ADGRB3: variants seen among roughly 807,000 people sequenced by gnomAD.
ADGRB3 encodes the protein adhesion G protein-coupled receptor B3.
A neutral mutation model predicts 193.4 loss-of-function variants in ADGRB3; 37 were observed. The ratio of observed to expected loss-of-function variants is 0.19; its 90% CI spans 0.15 to 0.25. ADGRB3 has a LOEUF of 0.25. ADGRB3 is among the 10% of genes least tolerant of loss of function. The probability of loss-of-function intolerance (pLI) is 1.00; values close to 1 mark genes in which losing one functional copy is unlikely to be tolerated. For missense variants in ADGRB3, 1,637 were observed against 1,852.9 expected, an observed-to-expected ratio of 0.88 and a Z score of 2.14; for synonymous variants, 690 against 644.2, an observed-to-expected ratio of 1.07 and a Z score of -1.08.
At chr6:69,128,152 A>G (rs1372094340) in intron 17 of ADGRB3, among the ~76,000 whole-genome samples, 1 of 152,122 alleles carries the variant, frequency 6.6e-6, no homozygotes, top group Non-Finnish European at 1.5e-5. Context: ...CTGACTGTGA[A>G]CTGTCTATAC....
intron 3 of ADGRB3, among the ~76,000 whole-genome samples, chr6:68,754,915 G>A (rs1766270567): frequency 6.6e-6 from 1 of 152,152 alleles, no homozygotes; most frequent in African/African-American, 2.4e-5. Context: ...AGATGGACAA[G>A]CAATACTGTT....
At chr6:69,254,058 A>T (rs1766691120) in intron 20 of ADGRB3, among the ~76,000 whole-genome samples, 1 of 152,200 alleles carries the variant, frequency 6.6e-6, no homozygotes, top group African/African-American at 2.4e-5. Flanking sequence ...AAATTAAAAA[A>T]GTAATTTAAA....
intron 13 of ADGRB3, among the ~76,000 whole-genome samples, chr6:69,029,545 G>T (rs541464287): frequency 2.2e-4 from 33 of 152,322 alleles, no homozygotes; most frequent in African/African-American, 7.2e-4. Context: ...GCAAACGTAT[G>T]ATATATAGAA....
At chr6:68,986,359 A>G (rs956774439) in intron 10 of ADGRB3, among the ~76,000 whole-genome samples, 4 of 152,190 alleles carry the variant, frequency 2.6e-5, no homozygotes, top group East Asian at 3.9e-4. Context: ...TGATACCTAC[A>G]TGATTCATGC....
chr6:68,973,113 A>G (rs1016964779), intron 8 of ADGRB3, among the ~76,000 whole-genome samples: 9 of 152,242 alleles, frequency 5.9e-5, no homozygotes, highest in African/African-American at 2.2e-4. Flanking sequence ...ATATTTACAT[A>G]TACTCAGAGG....
At chr6:68,950,115 GCATGATTTTATCTCATTGTACCTGGGA>G (rs1767876330) in intron 6 of ADGRB3, among the ~76,000 whole-genome samples, 1 of 152,016 alleles carries the variant, frequency 6.6e-6, no homozygotes, top group South Asian at 2.1e-4. Flanking sequence ...GAGTGCAGTG[GCATGATTTTATCTCATTGTACCTGGGA>G]ATCCTGGGCT....
intron 20 of ADGRB3, among the ~76,000 whole-genome samples, chr6:69,310,916 A>C (rs771804939): frequency 2.4e-4 from 37 of 151,740 alleles, no homozygotes; most frequent in Non-Finnish European, 1.8e-4. Flanking sequence ...TATTACTAGA[A>C]ATAGTTGGTT....
intron 13 of ADGRB3, among the ~76,000 whole-genome samples, chr6:69,026,773 G>A (rs1364488787): frequency 6.6e-6 from 1 of 152,152 alleles, no homozygotes; most frequent in East Asian, 1.9e-4. Flanking sequence ...GTAGGCAACT[G>A]TAACACAAGG....
chr6:69,354,377 G>A, intron 27 of ADGRB3, 49 bp downstream of exon 27: 1 of 1,472,156 alleles, frequency 6.8e-7, no homozygotes, highest in Non-Finnish European at 9.5e-7. Context: ...GATTTCTCAA[G>A]GGAATAAAAG....
intron 17 of ADGRB3, among the ~76,000 whole-genome samples, chr6:69,109,360 C>G (rs1226177424): frequency 6.6e-6 from 1 of 152,124 alleles, no homozygotes; most frequent in Non-Finnish European, 1.5e-5. Flanking sequence ...GGCATAATAT[C>G]AATATTATTT....
At chr6:69,218,507 T>G (rs1045216095) in intron 17 of ADGRB3, among the ~76,000 whole-genome samples, 1 of 152,170 alleles carries the variant, frequency 6.6e-6, no homozygotes, top group Non-Finnish European at 1.5e-5. Flanking sequence ...AAAACCTAAT[T>G]ATTAGGGATA....
intron 20 of ADGRB3, among the ~76,000 whole-genome samples, chr6:69,319,482 A>G (rs1768396123): frequency 6.6e-6 from 1 of 151,326 alleles, no homozygotes; most frequent in Admixed American, 6.6e-5. Flanking sequence ...TTGCATTATA[A>G]TCATCAATAT....
At chr6:68,664,598 T>C (rs1768753829) in intron 3 of ADGRB3, among the ~76,000 whole-genome samples, 1 of 151,844 alleles carries the variant, frequency 6.6e-6, no homozygotes, top group South Asian at 2.1e-4. Context: ...ATTTCCTTTG[T>C]TTATCAGCCA....
rs930518309 is a variant in ADGRB3 at position 68,770,707 on chromosome 6, T to C, written c.757+131275T>C. ...TTTATTCTAACTAGAAGAGTAATTA[T>C]AAATAAGAGGAAACTGAAATTCTAG... is the stretch of plus-strand genomic sequence containing the variant. On this transcript the variant is annotated intron_variant, in intron 3 of 31. Transcript: ENST00000370598. Among the ~76,000 whole-genome samples the C allele has an allele frequency of 7.2e-5, 11 of 152,222 alleles. No homozygotes were observed. In the South Asian group the frequency reaches 1.9e-3, roughly 26 times the overall value.
chr6:69,170,835 C>T (rs1775253469), intron 17 of ADGRB3, among the ~76,000 whole-genome samples: 1 of 152,016 alleles, frequency 6.6e-6, no homozygotes, highest in Non-Finnish European at 1.5e-5. Flanking sequence ...TTATTAGTGG[C>T]ACATAGTTCA....
At chr6:69,079,602 A>G (rs1188699903) in intron 17 of ADGRB3, among the ~76,000 whole-genome samples, 2 of 152,066 alleles carry the variant, frequency 1.3e-5, no homozygotes, top group African/African-American at 4.8e-5. Flanking sequence ...AAAGAAATAA[A>G]GGGTATGCGA....
chr6:69,339,485 A>C lies in ADGRB3; in HGVS notation c.3440A>C (p.His1147Pro). Residue 1147 changes from histidine (H) to proline (P), a missense_variant, in exon 26 of 32, where the codon CAC (histidine) becomes CCC (proline). By Grantham distance (77) the His-to-Pro change is moderately conservative. Transcript: ENST00000370598. The stretch of plus-strand genomic sequence containing the variant: ...CAAGGCTTTGTTATAGTCATGGTCC[A>C]CTGCATTCTTCGGAGAGAGGTGAGA... ...SLQGFVIVMV[H>P]CILRREVQDA... is the part of the protein sequence containing the mutation. The C allele has an allele frequency of 6.2e-7, 1 of 1,613,698 alleles. No individual in the cohort carries two copies.
intron 3 of ADGRB3, among the ~76,000 whole-genome samples, chr6:68,858,172 C>G (rs1313069076): frequency 6.6e-6 from 1 of 152,066 alleles, no homozygotes; most frequent in African/African-American, 2.4e-5. Context: ...ATGTTTCATA[C>G]CTGCAGTCCC....
intron 17 of ADGRB3, among the ~76,000 whole-genome samples, chr6:69,148,217 C>A (rs1048017137): frequency 6.6e-6 from 1 of 151,958 alleles, no homozygotes; most frequent in Non-Finnish European, 1.5e-5. Context: ...TCTTTCCTTC[C>A]TTCCTGTCTT....
Sources: gnomAD v4.1 joint callset for allele counts (sites outside exome capture counted in the v4.1 genomes callset) on GRCh38, gnomAD v4.1.1 for gene constraint, MANE v1.5 for transcripts, NCBI Gene and HGNC (gene_info 2026-07-23, HGNC 2026-07-21) for gene names.